ANKRD53: variants seen among roughly 807,000 people sequenced by gnomAD.
ANKRD53 encodes ankyrin repeat domain 53.
Under a neutral mutation model 30.1 loss-of-function variants are expected in ANKRD53, and 27 were observed. The observed-to-expected ratio is 0.90, with a 90% CI of 0.66 to 1.24. The LOEUF is 1.24. ANKRD53 is among the 50% of genes most tolerant of loss of function. ANKRD53 has a pLI of 0.00. For synonymous variants in ANKRD53, 286 were observed against 295.4 expected (o/e 0.97, Z 0.33); for missense variants, 682 against 721.0 (o/e 0.95, Z 0.62).
rs1553423006 is a variant in ANKRD53 at position 70,979,209 on chromosome 2, G to T, written c.283G>T (p.Glu95Ter). Residue 95 changes from glutamate to a stop codon, truncating the protein, a stop_gained, in exon 2 of 6, where the codon GAG becomes TAG. Transcript: ENST00000360589. LOFTEE classifies it high-confidence loss of function. ...PPRADPSPSK[E>*]SDQTAIDQTA... ...CCGCGCTGACCCCAGCCCCAGCAAGGAGTCCGACCAGACGGCAATCGACCA... is the reference window on the plus strand; with the variant it reads ...CCGCGCTGACCCCAGCCCCAGCAAGTAGTCCGACCAGACGGCAATCGACCA... 1.2e-6 allele frequency: 2 copies of T among 1,613,328 alleles called. No individual in the cohort carries two copies. Among genetic ancestry groups the T allele is most frequent in the African/African-American group, 1.3e-5 (1 of 75,076 alleles).
In ANKRD53 at chr2:70,985,143, T is replaced by C. The variant is rs1222807011; in HGVS notation, c.1436T>C (p.Met479Thr). ...CCCCAGGGCTTTTACCCCATCAGCA[T>C]GAGGGAAGTGCCCAGGAAGCGGCAC... Reference protein sequence around the residue: ...KVPQGFYPISMREVPRKRHLG... With the variant: ...KVPQGFYPISTREVPRKRHLG... The change falls in exon 6 of 6, where the codon ATG (methionine) becomes ACG (threonine). Residue 479 changes from methionine to threonine, a missense_variant. Met to Thr is a moderately conservative substitution (Grantham distance 81, BLOSUM62 -1). Coordinates refer to ENST00000360589, the MANE Select transcript of ANKRD53 (RefSeq NM_001115116.2). The C allele has an allele frequency of 5.8e-6, 9 of 1,551,176 alleles. No individual in the cohort carries two copies. In the Admixed American group the frequency reaches 9.8e-5, roughly 17 times the overall value.
At position 70,979,235 on chromosome 2, in the gene ANKRD53, G is replaced by C. The variant is rs1669924460; in HGVS notation, c.309G>C (p.Gln103His). The C allele has an allele frequency of 6.2e-7, 1 of 1,613,426 alleles. No individual in the cohort carries two copies. Among genetic ancestry groups the C allele is most frequent in the Admixed American group, 1.7e-5 (1 of 60,010 alleles). ...AGTCCGACCAGACGGCAATCGACCAGACGGCGATCGGGAGCTACTACCAGC... is the reference window on the plus strand; with the variant it reads ...AGTCCGACCAGACGGCAATCGACCACACGGCGATCGGGAGCTACTACCAGC... ...SKESDQTAID[Q>H]TAIGSYYQLF... Residue 103 changes from glutamine to histidine, a missense_variant, in exon 2 of 6, where the codon CAG (glutamine) becomes CAC (histidine). By Grantham distance (24) the Gln-to-His change is conservative (BLOSUM62 0). Coordinates refer to ENST00000360589, the MANE Select transcript of ANKRD53 (RefSeq NM_001115116.2).
chr2:70,979,451 TA>T (rs1669934244), intron 2 of ANKRD53, 108 bp downstream of exon 2: 1 of 1,530,472 alleles, frequency 6.5e-7, no homozygotes, highest in Admixed American at 2.0e-5. Context: ...CTTCCTAATT[TA>T]ACTCATCTTC....
rs1315836688 is a variant in ANKRD53 at position 70,979,194 on chromosome 2, C to A, written c.268C>A (p.Pro90Thr). The A allele has an allele frequency of 6.2e-7, 1 of 1,613,028 alleles. No homozygotes were observed. The highest frequency in any genetic ancestry group is 1.3e-5 in the African/African-American group (1 of 75,064). ...PASLTPPRAD[P>T]SPSKESDQTA... ...CTCGCTCACCCCGCCCCGCGCTGAC[C>A]CCAGCCCCAGCAAGGAGTCCGACCA... Residue 90 changes from proline (P) to threonine (T), a missense_variant, in exon 2 of 6, where the codon CCC becomes ACC. By Grantham distance (38) the Pro-to-Thr change is conservative (BLOSUM62 -1). Transcript: ENST00000360589.
chr2:70,983,797 G>C (rs1670083512), intron 5 of ANKRD53, among the ~76,000 whole-genome samples: 1 of 152,188 alleles, frequency 6.6e-6, no homozygotes, highest in African/African-American at 2.4e-5. Context: ...GCCATATGCT[G>C]ACTGACTTAG....
In ANKRD53 at chr2:70,985,205, A is replaced by G. The variant is rs1242118812; in HGVS notation, c.1498A>G (p.Met500Val). Reference protein sequence around the residue: ...DNTFWTDTLAMNLRDTFDEAF... With the variant: ...DNTFWTDTLAVNLRDTFDEAF... Reference sequence around the variant, plus strand: ...CACCTTCTGGACCGACACTCTGGCCATGAACCTGCGTGACACATTCGATGA... The same window carrying G: ...CACCTTCTGGACCGACACTCTGGCCGTGAACCTGCGTGACACATTCGATGA... The change falls in exon 6 of 6, where the codon ATG becomes GTG. Residue 500 changes from methionine (M) to valine (V), a missense_variant. Met to Val is a conservative substitution (Grantham distance 21, BLOSUM62 1). Coordinates refer to ENST00000360589, the MANE Select transcript of ANKRD53 (RefSeq NM_001115116.2). The G allele has an allele frequency of 2.6e-6, 4 of 1,551,564 alleles. No homozygotes were observed. The highest frequency in any genetic ancestry group is 3.5e-6 in the Non-Finnish European group (4 of 1,147,006).
In ANKRD53 at chr2:70,985,250, C is replaced by T. The variant is rs61732288; in HGVS notation, c.1543C>T (p.Arg515Ter). The T allele has an allele frequency of 8.4e-6, 13 of 1,550,840 alleles. No homozygotes were observed. The highest frequency in any genetic ancestry group is 8.2e-5 in the African/African-American group (6 of 72,994). The change falls in exon 6 of 6, where the codon CGA becomes TGA. Residue 515 changes from arginine (R) to a stop codon, truncating the protein, a stop_gained. Transcript: ENST00000360589. LOFTEE classifies it low-confidence loss of function (END_TRUNC). The part of the protein sequence containing the change: ...TFDEAFLAAV[R>*]SHQGLPTLPS... ...CGATGAAGCCTTCCTGGCAGCTGTG[C>T]GATCTCATCAAGGACTCCCCACCCT...
At chr2:70,983,449 G>C (rs1431814072) in intron 5 of ANKRD53, among the ~76,000 whole-genome samples, 1 of 152,202 alleles carries the variant, frequency 6.6e-6, no homozygotes, top group Middle Eastern at 3.2e-3. Flanking sequence ...GAAGAAAGGG[G>C]ATTTTAAGCA....
At chr2:70,978,598 G>T, upstream of ANKRD53, 3 of 1,439,496 alleles carry the variant, frequency 2.1e-6, no homozygotes, top group Non-Finnish European at 2.7e-6. This position sits in a 1 kb window ranked among gnomAD's most constrained non-coding sequence, Gnocchi z 4.3. Context: ...GGGCGCCGGC[G>T]GGTGTGTGAG....
chr2:70,979,144 C>T lies in ANKRD53; in HGVS notation c.218C>T (p.Ala73Val), dbSNP rs782320197. The change falls in exon 2 of 6, where the codon GCC becomes GTC. Residue 73 changes from alanine to valine, a missense_variant. Physicochemically the swap from Ala to Val is moderately conservative, Grantham distance 64 (BLOSUM62 0). Coordinates refer to ENST00000360589, the MANE Select transcript of ANKRD53 (RefSeq NM_001115116.2). ...GACCACCTCAGTGCGCAGGCGACTG[C>T]CCTCGCCAGGCCGCGCCGCCCTGCC... ...LADHLSAQATALARPRRPASL... is the reference protein window; with the variant it reads ...LADHLSAQATVLARPRRPASL... 1.2e-6 allele frequency: 2 copies of T among 1,609,150 alleles called. No individual in the cohort carries two copies. Among genetic ancestry groups the T allele is most frequent in the South Asian group, 1.1e-5 (1 of 90,960 alleles).
Position 70,982,788 on chromosome 2 carries a change from T to A in ANKRD53, c.903+91T>A. ...GACCCACATATTGTGGAGGAGTGGC[T>A]AGAAGCACTCCCACCCTGAAAGAGC... On this transcript the variant is annotated intron_variant, in intron 5 of 5. Transcript: ENST00000360589. This position sits in a 1 kb window ranked among gnomAD's most constrained non-coding sequence, Gnocchi z 4.2. 1 of 1,522,728 alleles carries A rather than the reference T, an allele frequency of 6.6e-7. No individual in the cohort carries two copies. The highest frequency in any genetic ancestry group is 1.4e-5 in the African/African-American group (1 of 73,142). The allele number at this position is 1,522,728 out of a possible 1,614,324, so 94.3% of individuals were successfully genotyped here.
Position 70,985,385 on chromosome 2 carries a change from G to A in ANKRD53, c.*85G>A. Reference sequence around the variant, plus strand: ...CACGTTGTGGGTGGCGAGGAAAGGGGGAGGGGTGCCTATGGGCTTCCCACT... The same window carrying A: ...CACGTTGTGGGTGGCGAGGAAAGGGAGAGGGGTGCCTATGGGCTTCCCACT... On this transcript the variant is annotated 3_prime_UTR_variant, in exon 6 of 6. Transcript: ENST00000360589. The A allele has an allele frequency of 7.5e-7, 1 of 1,324,596 alleles. No individual in the cohort carries two copies. Among genetic ancestry groups the A allele is most frequent in the South Asian group, 1.4e-5 (1 of 71,490 alleles). 82.1% of individuals were successfully genotyped at this position (1,324,596 alleles called of 1,614,324 possible).
chr2:70,980,246 T>C (rs1439014840), intron 3 of ANKRD53, among the ~76,000 whole-genome samples: 2 of 142,076 alleles, frequency 1.4e-5, no homozygotes, highest in Non-Finnish European at 3.0e-5. Context: ...ACCCAGGAGA[T>C]GGAGGTTGCG....
chr2:70,979,404 G>C, intron 2 of ANKRD53, 61 bp downstream of exon 2: 13 of 1,603,496 alleles, frequency 8.1e-6, no homozygotes, highest in Non-Finnish European at 1.1e-5. Context: ...TGCTCGGAGT[G>C]GTCACCTGGA....
chr2:70,979,581 C>T (rs1669939145), intron 2 of ANKRD53, 80 bp from the exon 3 acceptor site: 1 of 1,470,148 alleles, frequency 6.8e-7, no homozygotes, highest in Admixed American at 2.1e-5. Flanking sequence ...GTGAAGGTAA[C>T]CCCAATAAAT....
intron 3 of ANKRD53, 28 bp from the exon 4 acceptor site, chr2:70,981,908 T>G: frequency 1.3e-6 from 2 of 1,530,520 alleles, no homozygotes; most frequent in East Asian, 2.4e-5. Context: ...CTTTCTGCCC[T>G]TATCCCCACT....
At chr2:70,981,720 T>C (rs1670014061) in intron 3 of ANKRD53, among the ~76,000 whole-genome samples, 1 of 152,204 alleles carries the variant, frequency 6.6e-6, no homozygotes, top group Non-Finnish European at 1.5e-5. Context: ...AACTATCACA[T>C]ACCTTCTAAA....
rs1572935412 is a variant in ANKRD53, at chr2:70,982,341, G to A, written c.783-236G>A. ...ATCACTGCCCTCCTTTCCTGCCCTGGGGCCCCTGGCTCCTCAGCAGGAGGG... is the reference window on the plus strand; with the variant it reads ...ATCACTGCCCTCCTTTCCTGCCCTGAGGCCCCTGGCTCCTCAGCAGGAGGG... On this transcript the variant is annotated intron_variant, in intron 4 of 5. Transcript: ENST00000360589. The surrounding 1 kb of genome is among the most constrained non-coding windows in gnomAD (Gnocchi z 4.2). 4.0e-6 allele frequency: 3 copies of A among 748,884 alleles called. No homozygotes were observed. The highest frequency in any genetic ancestry group is 4.2e-6 in the Non-Finnish European group (2 of 480,276). The allele number at this position is 748,884 out of a possible 1,614,324, so 46.4% of individuals were successfully genotyped here.
rs1670041615 is a variant in ANKRD53, at chr2:70,982,507, C to T, written c.783-70C>T. ...TCCCCATCCAAGCCCTCAGCAGCAGCCAGTCTTCCCAGCCCAGGTGGAAGC... is the reference window on the plus strand; with the variant it reads ...TCCCCATCCAAGCCCTCAGCAGCAGTCAGTCTTCCCAGCCCAGGTGGAAGC... On this transcript the variant is annotated intron_variant, in intron 4 of 5. Transcript: ENST00000360589. The surrounding 1 kb of genome is among the most constrained non-coding windows in gnomAD (Gnocchi z 4.2). 1.7e-5 allele frequency: 27 copies of T among 1,588,072 alleles called. No individual in the cohort carries two copies. The highest frequency in any genetic ancestry group is 2.3e-5 in the Non-Finnish European group (27 of 1,163,824).
Sources: allele counts gnomAD v4.1 joint callset (sites outside exome capture counted in the v4.1 genomes callset), GRCh38; gene constraint gnomAD v4.1.1; non-coding constraint Gnocchi (gnomAD v3.1); transcripts MANE v1.5; gene names NCBI Gene and HGNC (gene_info 2026-07-23, HGNC 2026-07-21).